The following RGS3 variants were observed in gnomAD, a reference collection of about 807,000 sequenced individuals.
The protein encoded by RGS3 is regulator of G protein signaling 3.
RGS3 carries 80 observed loss-of-function variants against 132.6 expected under a neutral mutation model. The observed-to-expected ratio is 0.60, with a 90% CI of 0.50 to 0.73. The LOEUF (loss-of-function observed/expected upper bound fraction) is 0.73. RGS3 is among the 30% of genes least tolerant of loss of function. RGS3 has a pLI of 0.00. For missense variants in RGS3, 1,382 were observed against 1,530.8 expected, an observed-to-expected ratio of 0.90 and a Z score of 1.62; for synonymous variants, 598 against 620.6, an observed-to-expected ratio of 0.96 and a Z score of 0.54.
At position 113,483,989 on chromosome 9, in the gene RGS3, G is replaced by T. The variant is rs924862274; in HGVS notation, c.526-149G>T. The T allele has an allele frequency of 3.0e-5, 15 of 500,480 alleles. No individual in the cohort carries two copies. In the South Asian group the frequency reaches 4.5e-4, roughly 15 times the overall value. The allele number at this position is 500,480 out of a possible 1,614,324, so 31.0% of individuals were successfully genotyped here. On this transcript the variant is annotated intron_variant, in intron 5 of 24. Transcript: ENST00000350696. ...GCCCTGGGCTCCTTGTTCCCTTGCA[G>T]CATCTGACAGGGGACTCTATTCTGT...
intron 19 of RGS3, among the ~76,000 whole-genome samples, chr9:113,542,995 TCA>T (rs1832966691): frequency 6.6e-6 from 1 of 152,168 alleles, no homozygotes; most frequent in Non-Finnish European, 1.5e-5. Flanking sequence ...CCCAGCCCAC[TCA>T]CTGCCTGCTG....
At chr9:113,455,699 T>C (rs567194489), upstream of RGS3, among the ~76,000 whole-genome samples, 1 of 152,318 alleles carries the variant, frequency 6.6e-6, no homozygotes, top group South Asian at 2.1e-4. Flanking sequence ...CTCAGTGGTA[T>C]TTACAGCAAC....
chr9:113,567,479 A>G (rs1014102726), intron 19 of RGS3, among the ~76,000 whole-genome samples: 4 of 152,210 alleles, frequency 2.6e-5, no homozygotes, highest in Non-Finnish European at 5.9e-5. Context: ...AAACAGTGAC[A>G]TGCAAGTCAG....
intron 19 of RGS3, among the ~76,000 whole-genome samples, chr9:113,542,943 G>T (rs1277414597): frequency 6.6e-6 from 1 of 152,310 alleles, no homozygotes; most frequent in African/African-American, 2.4e-5. Flanking sequence ...CTGTGCTGCC[G>T]CAGGGCTGAA....
chr9:113,501,965 G>A (rs1372547579), intron 10 of RGS3, among the ~76,000 whole-genome samples: 1 of 152,200 alleles, frequency 6.6e-6, no homozygotes, highest in Admixed American at 6.5e-5. Flanking sequence ...TTGTATTTTT[G>A]CTAACTTTTC....
intron 4 of RGS3, among the ~76,000 whole-genome samples, chr9:113,481,837 G>A (rs1409620452): frequency 5.3e-5 from 8 of 152,042 alleles, no homozygotes; most frequent in Admixed American, 2.0e-4. Flanking sequence ...ACCTGAGGTC[G>A]GGAGTTCGAG....
At chr9:113,445,088 A>G (rs1220682585) in intron 1 of RGS3, among the ~76,000 whole-genome samples, 1 of 152,078 alleles carries the variant, frequency 6.6e-6, no homozygotes, top group African/African-American at 2.4e-5. Flanking sequence ...AGAGGCTTAT[A>G]TTTCCAAGAA....
At chr9:113,546,964 T>C (rs1833142150) in intron 19 of RGS3, among the ~76,000 whole-genome samples, 2 of 152,154 alleles carry the variant, frequency 1.3e-5, no homozygotes, top group East Asian at 3.9e-4. Flanking sequence ...CCAAGAAAAA[T>C]GAGGGAGTTG....
intron 19 of RGS3, among the ~76,000 whole-genome samples, chr9:113,551,668 G>A (rs1238857249): frequency 4.6e-5 from 7 of 151,586 alleles, no homozygotes; most frequent in African/African-American, 1.5e-4. Flanking sequence ...GGGCAACATG[G>A]TGAAAACCTG....
chr9:113,509,357 A>T (rs372091413), intron 14 of RGS3, among the ~76,000 whole-genome samples: 1 of 151,666 alleles, frequency 6.6e-6, no homozygotes, highest in South Asian at 2.1e-4. Context: ...AATAATTCCT[A>T]CCTCAGAGGG....
At chr9:113,454,705 T>A (rs1829328503) in intron 1 of RGS3, among the ~76,000 whole-genome samples, 1 of 146,488 alleles carries the variant, frequency 6.8e-6, no homozygotes, top group African/African-American at 2.5e-5. Flanking sequence ...TTTTTTTTTT[T>A]AGATGGACAA....
chr9:113,501,093 C>T (rs569549682), intron 10 of RGS3, among the ~76,000 whole-genome samples: 2 of 152,194 alleles, frequency 1.3e-5, no homozygotes, highest in Non-Finnish European at 2.9e-5. Flanking sequence ...GCAAACCCCC[C>T]CAAGGTATCC....
intron 17 of RGS3, among the ~76,000 whole-genome samples, chr9:113,526,547 C>T (rs1181094348): frequency 6.6e-6 from 1 of 152,220 alleles, no homozygotes; most frequent in East Asian, 1.9e-4. Context: ...TTCTCCCTCC[C>T]TGGGCCTCAG....
intron 1 of RGS3, among the ~76,000 whole-genome samples, chr9:113,451,758 T>A (rs1443954843): frequency 2.0e-5 from 3 of 152,038 alleles, no homozygotes; most frequent in Non-Finnish European, 4.4e-5. Context: ...TAAGAAAAGC[T>A]ATTTCATATA....
chr9:113,545,974 T>C (rs923628709), intron 19 of RGS3, among the ~76,000 whole-genome samples: 11 of 152,172 alleles, frequency 7.2e-5, no homozygotes, highest in African/African-American at 2.7e-4. Flanking sequence ...TATTTTGCTA[T>C]ATGGCTTTCC....
Position 113,507,302 on chromosome 9 carries a change from G to C in RGS3, c.1101G>C (p.Glu367Asp). 1.2e-6 allele frequency: 2 copies of C among 1,612,040 alleles called. No homozygotes were observed. The highest frequency in any genetic ancestry group is 8.5e-7 in the Non-Finnish European group (1 of 1,179,030). Reference sequence around the variant, plus strand: ...CACCTTCCAGGAGCTGCCCCAGTGAGATCATCCTACTCGTGTGGCGCATGG... The same window carrying C: ...CACCTTCCAGGAGCTGCCCCAGTGACATCATCCTACTCGTGTGGCGCATGG... The change falls in exon 13 of 25, where the codon GAG becomes GAC. Residue 367 changes from glutamate (E) to aspartate (D), a missense_variant. Physicochemically the swap from Glu to Asp is conservative, Grantham distance 45. Transcript: ENST00000350696. The surrounding 1 kb of genome is among the most constrained non-coding windows in gnomAD (Gnocchi z 5.0).
intron 19 of RGS3, among the ~76,000 whole-genome samples, chr9:113,553,452 AAAAAAAAATATATAT>A (rs1164967026): frequency 2.4e-4 from 26 of 108,750 alleles, no homozygotes; most frequent in African/African-American, 7.9e-4. Flanking sequence ...AAAAAAAAAA[AAAAAAAAATATATAT>A]ATATATATAT....
chr9:113,504,459 C>T (rs1444999219), intron 10 of RGS3, among the ~76,000 whole-genome samples: 1 of 152,230 alleles, frequency 6.6e-6, no homozygotes, highest in African/African-American at 2.4e-5. Context: ...CCAGGCTGTC[C>T]TCCCTGCATT....
chr9:113,465,857 T>C (rs934547653), intron 3 of RGS3, among the ~76,000 whole-genome samples: 5 of 152,166 alleles, frequency 3.3e-5, no homozygotes, highest in African/African-American at 1.2e-4. Flanking sequence ...ATGAGAGCAT[T>C]TGAGAAATTC....
Sources: allele counts gnomAD v4.1 joint callset (sites outside exome capture counted in the v4.1 genomes callset), GRCh38; gene constraint gnomAD v4.1.1; non-coding constraint Gnocchi (gnomAD v3.1); transcripts MANE v1.5; gene names NCBI Gene and HGNC (gene_info 2026-07-23, HGNC 2026-07-21).